Variants in FMNL2 observed in about 807,000 individuals in gnomAD.
FMNL2 encodes formin like 2.
In FMNL2, 51 loss-of-function variants were observed where a neutral mutation model predicts 130.2. The observed-to-expected ratio is 0.39, with a 90% CI of 0.31 to 0.49. The LOEUF is 0.49. Ranked by LOEUF, FMNL2 falls within the 20% of genes least tolerant of loss-of-function variation. The pLI, the probability that FMNL2 is intolerant of heterozygous loss-of-function variation, is 0.85. For synonymous variants in FMNL2, 465 were observed against 467.1 expected (o/e 1.00, Z 0.06); for missense variants, 977 against 1,316.2 (o/e 0.74, Z 3.99).
At chr2:152,382,327 G>A (rs971561195) in intron 1 of FMNL2, among the ~76,000 whole-genome samples, 3 of 152,160 alleles carry the variant, frequency 2.0e-5, no homozygotes, top group African/African-American at 7.2e-5. Flanking sequence ...AAGGAGAGGC[G>A]TCATTAAGGA....
chr2:152,402,769 C>T (rs1369072591), intron 1 of FMNL2, among the ~76,000 whole-genome samples: 1 of 152,170 alleles, frequency 6.6e-6, no homozygotes, highest in Non-Finnish European at 1.5e-5. Flanking sequence ...TCTAGTTTCC[C>T]CCATTATTAT....
At chr2:152,551,269 G>A (rs1452110074) in intron 4 of FMNL2, among the ~76,000 whole-genome samples, 1 of 152,106 alleles carries the variant, frequency 6.6e-6, no homozygotes, top group Non-Finnish European at 1.5e-5. Flanking sequence ...TGGTTGGGTT[G>A]AAGCCAGTGC....
intron 1 of FMNL2, among the ~76,000 whole-genome samples, chr2:152,487,511 A>C (rs1193921060): frequency 6.6e-6 from 1 of 152,224 alleles, no homozygotes; most frequent in African/African-American, 2.4e-5. Flanking sequence ...GCGAAAACTA[A>C]AATTATTAGG....
chr2:152,643,714 CATGT>C, intron 25 of FMNL2: 1 of 985,452 alleles, frequency 1.0e-6, no homozygotes. Flanking sequence ...ACTTTCAATA[CATGT>C]ATGTATTCAC....
intron 1 of FMNL2, among the ~76,000 whole-genome samples, chr2:152,458,885 A>G (rs1028535754): frequency 1.3e-5 from 2 of 152,182 alleles, no homozygotes; most frequent in East Asian, 3.9e-4. Context: ...GTTTTAATGA[A>G]GAGAGTGTGT....
At chr2:152,498,677 C>T (rs1257198544) in intron 1 of FMNL2, among the ~76,000 whole-genome samples, 8 of 152,078 alleles carry the variant, frequency 5.3e-5, no homozygotes, top group Admixed American at 1.3e-4. Context: ...ATTTTACTGA[C>T]GATAATGTTT....
intron 1 of FMNL2, among the ~76,000 whole-genome samples, chr2:152,517,120 A>G (rs1396325260): frequency 1.3e-5 from 2 of 152,180 alleles, no homozygotes; most frequent in African/African-American, 4.8e-5. Context: ...ATGTGGCAGA[A>G]GACGCTCATT....
intron 1 of FMNL2, among the ~76,000 whole-genome samples, chr2:152,462,924 G>T (rs773482200): frequency 1.3e-5 from 2 of 152,118 alleles, no homozygotes; most frequent in South Asian, 4.1e-4. Flanking sequence ...GATTTATAAA[G>T]AATGTTTCTT....
chr2:152,577,404 A>G (rs1227876553), intron 7 of FMNL2, among the ~76,000 whole-genome samples: 1 of 152,168 alleles, frequency 6.6e-6, no homozygotes, highest in Non-Finnish European at 1.5e-5. Context: ...TGGTGATCTT[A>G]GGTGCATGGT....
chr2:152,580,881 T>C, intron 8 of FMNL2, 75 bp from the exon 9 acceptor site: 1 of 1,320,562 alleles, frequency 7.6e-7, no homozygotes, highest in Admixed American at 1.8e-5. Context: ...TTCTCATGTA[T>C]CTTGGAAGGA....
chr2:152,647,309 A>T (rs939915810), intron 25 of FMNL2, among the ~76,000 whole-genome samples: 2 of 152,246 alleles, frequency 1.3e-5, no homozygotes, highest in African/African-American at 4.8e-5. Flanking sequence ...GCTTAATGGA[A>T]TGAAAATAAT....
intron 4 of FMNL2, among the ~76,000 whole-genome samples, chr2:152,551,469 C>A (rs1694931610): frequency 2.0e-5 from 3 of 152,242 alleles, no homozygotes; most frequent in African/African-American, 7.2e-5. Context: ...TGCAACCAAT[C>A]ACTAGCATAA....
chr2:152,398,142 A>G (rs1685500885), intron 1 of FMNL2, among the ~76,000 whole-genome samples: 1 of 152,140 alleles, frequency 6.6e-6, no homozygotes, highest in Non-Finnish European at 1.5e-5. Flanking sequence ...AATAAATAAA[A>G]TAAAAGCCTC....
intron 7 of FMNL2, among the ~76,000 whole-genome samples, chr2:152,576,402 A>G (rs1696482425): frequency 1.3e-5 from 2 of 152,214 alleles, no homozygotes; most frequent in African/African-American, 4.8e-5. Context: ...CCAGATAATA[A>G]TGATGAAATG....
intron 1 of FMNL2, among the ~76,000 whole-genome samples, chr2:152,473,234 TCTCA>T (rs1689953716): frequency 6.6e-6 from 1 of 152,186 alleles, no homozygotes; most frequent in African/African-American, 2.4e-5. Flanking sequence ...AGAGTTGGGG[TCTCA>T]CTCTGTCTGC....
chr2:152,621,241 C>A, intron 15 of FMNL2: 4 of 702,106 alleles, frequency 5.7e-6, no homozygotes, highest in Non-Finnish European at 7.0e-6. Flanking sequence ...CTGACAAACG[C>A]TGATGTGTGA....
rs76017805 is a variant in FMNL2, at chr2:152,440,143, C to G, written c.118-81800C>G. ...ATTATTATTTTATTTTTGGTAGGCA[C>G]CAGGTCTCGCTATGTTGCCCAGGCT... On this transcript the variant is annotated intron_variant, in intron 1 of 25. Coordinates refer to ENST00000288670, the MANE Select transcript of FMNL2 (RefSeq NM_052905.4). Among the ~76,000 whole-genome samples the G allele has an allele frequency of 7.9e-3, 1,202 of 152,176 alleles. 10 individuals carry two copies. Among genetic ancestry groups the G allele is most frequent in the African/African-American group, 0.024 (1,016 of 41,506 alleles).
chr2:152,486,903 A>G (rs187965360), intron 1 of FMNL2, among the ~76,000 whole-genome samples: 1 of 152,370 alleles, frequency 6.6e-6, no homozygotes, highest in Admixed American at 6.5e-5. Context: ...AAAATATAAC[A>G]GAAATGAGCC....
At position 152,370,098 on chromosome 2, in the gene FMNL2, C is replaced by T. The variant is rs368943311; in HGVS notation, c.117+34378C>T. ...ATTTGTGAACATGTAGTTATGGCTT[C>T]ATACCTTTTGTCTTAGTTCAGGCTG... On this transcript the variant is annotated intron_variant, in intron 1 of 25. Coordinates refer to ENST00000288670, the MANE Select transcript of FMNL2 (RefSeq NM_052905.4). Among the ~76,000 whole-genome samples, 16 of 152,292 alleles carry T rather than the reference C, an allele frequency of 1.1e-4. 1 individual carries two copies. The South Asian group carries it at 3.3e-3, about 32-fold the overall frequency.
Sources: gnomAD v4.1 joint callset for allele counts (sites outside exome capture counted in the v4.1 genomes callset) on GRCh38, gnomAD v4.1.1 for gene constraint, MANE v1.5 for transcripts, NCBI Gene and HGNC (gene_info 2026-07-23, HGNC 2026-07-21) for gene names.